SLC24A2: variants seen among roughly 807,000 people sequenced by gnomAD.
SLC24A2 encodes solute carrier family 24 member 2, also known as sodium/potassium/calcium exchanger 2.
SLC24A2 carries 36 observed loss-of-function variants against 62.0 expected under a neutral mutation model. The observed-to-expected ratio is 0.58, with a 90% CI of 0.44 to 0.77. The LOEUF is 0.77. Ranked by LOEUF, SLC24A2 falls within the 30% of genes least tolerant of loss-of-function variation. The pLI, the probability that SLC24A2 is intolerant of heterozygous loss-of-function variation, is 0.00. For missense variants in SLC24A2, 846 were observed against 817.9 expected (o/e 1.03, Z -0.42); for synonymous variants, 358 against 294.0 (o/e 1.22, Z -2.23).
intron 2 of SLC24A2, 142 bp downstream of exon 2, chr9:19,785,795 G>A (rs1823146426): frequency 2.8e-6 from 3 of 1,063,748 alleles, no homozygotes; most frequent in Non-Finnish European, 4.2e-6. Context: ...TGTTAGTCTA[G>A]CTATCACAGA....
At position 19,517,333 on chromosome 9, in the gene SLC24A2, C is replaced by A. The variant is rs561643662; in HGVS notation, c.1737-931G>T. ...GGAGATACCTGCTTGGCTAGCTGAG[C>A]TTTCTGAATGACAAAAGCTAAGGGA... On this transcript the variant is annotated intron_variant, in intron 10 of 10. Coordinates refer to ENST00000341998, the MANE Select transcript of SLC24A2 (RefSeq NM_020344.4). 1.1e-3 allele frequency among the ~76,000 whole-genome samples: 161 copies of A among 152,268 alleles called. 1 individual carries two copies. In the South Asian group the frequency reaches 0.011, roughly 10 times the overall value.
the SLC24A2 span, among the ~76,000 whole-genome samples, chr9:19,994,735 T>G: frequency 1.3e-5 from 2 of 152,166 alleles, no homozygotes; most frequent in Non-Finnish European, 2.9e-5. Flanking sequence ...CTGAAGATAG[T>G]GTGGCTTCAT....
At chr9:19,516,961 ATTGT>A (rs1832960573) in intron 10 of SLC24A2, among the ~76,000 whole-genome samples, 1 of 152,212 alleles carries the variant, frequency 6.6e-6, no homozygotes, top group Non-Finnish European at 1.5e-5. Flanking sequence ...GATGTTGACA[ATTGT>A]TTGATGAAAA....
the SLC24A2 span, among the ~76,000 whole-genome samples, chr9:20,265,997 G>A: frequency 1.3e-5 from 2 of 152,206 alleles, 1 homozygote; most frequent in African/African-American, 4.8e-5. Flanking sequence ...TAAATTTTTG[G>A]TCAGACCAGT....
At chr9:20,008,336 G>C in the SLC24A2 span, among the ~76,000 whole-genome samples, 1 of 152,106 alleles carries the variant, frequency 6.6e-6, no homozygotes, top group Non-Finnish European at 1.5e-5. Context: ...TGTCTACAGA[G>C]GTGTCTTTGG....
At chr9:19,956,755 A>T in the SLC24A2 span, among the ~76,000 whole-genome samples, 1 of 152,212 alleles carries the variant, frequency 6.6e-6, no homozygotes, top group Non-Finnish European at 1.5e-5. Context: ...TGACACATGG[A>T]AATTGTAGGA....
chr9:19,739,244 C>T (rs1821602341), intron 2 of SLC24A2, among the ~76,000 whole-genome samples: 1 of 152,164 alleles, frequency 6.6e-6, no homozygotes, highest in Admixed American at 6.5e-5. Context: ...TGCTTATGAA[C>T]AGAGATTCTA....
the SLC24A2 span, among the ~76,000 whole-genome samples, chr9:19,894,243 C>A: frequency 6.6e-6 from 1 of 152,164 alleles, no homozygotes; most frequent in East Asian, 1.9e-4. Context: ...AGCACCTTGG[C>A]AGCCAAGGAG....
At chr9:20,222,803 G>C in the SLC24A2 span, among the ~76,000 whole-genome samples, 1 of 152,016 alleles carries the variant, frequency 6.6e-6, no homozygotes, top group African/African-American at 2.4e-5. Context: ...CTGCCAACTA[G>C]AATTATAAAT....
At chr9:19,807,732 G>A in the SLC24A2 span, among the ~76,000 whole-genome samples, 2 of 152,182 alleles carry the variant, frequency 1.3e-5, no homozygotes, top group African/African-American at 2.4e-5. Context: ...TGCTTTAAAC[G>A]AAACTATTGC....
the SLC24A2 span, among the ~76,000 whole-genome samples, chr9:20,079,813 G>A: frequency 6.6e-6 from 1 of 152,256 alleles, no homozygotes; most frequent in East Asian, 1.9e-4. Context: ...TTGCCTATCA[G>A]CTTAAGGAGA....
the SLC24A2 span, among the ~76,000 whole-genome samples, chr9:19,805,401 T>TAACA: frequency 6.6e-6 from 1 of 152,194 alleles, no homozygotes; most frequent in Admixed American, 6.5e-5. Context: ...ATTGTTTATC[T>TAACA]AACAATAAAT....
the SLC24A2 span, among the ~76,000 whole-genome samples, chr9:19,998,662 T>C: frequency 6.6e-5 from 10 of 152,224 alleles, no homozygotes; most frequent in African/African-American, 2.4e-4. Context: ...GCTTTCAGCA[T>C]CAATCAGATT....
At chr9:19,895,075 G>T in the SLC24A2 span, among the ~76,000 whole-genome samples, 1 of 152,078 alleles carries the variant, frequency 6.6e-6, no homozygotes, top group Non-Finnish European at 1.5e-5. Flanking sequence ...ACTCTATAAA[G>T]AAGTAAACAT....
chr9:19,943,289 T>G, the SLC24A2 span, among the ~76,000 whole-genome samples: 3 of 152,134 alleles, frequency 2.0e-5, no homozygotes, highest in African/African-American at 7.2e-5. Flanking sequence ...TTCACTGTAT[T>G]AAAAAGAACA....
the SLC24A2 span, among the ~76,000 whole-genome samples, chr9:20,128,750 C>A: frequency 5.3e-5 from 8 of 152,070 alleles, no homozygotes; most frequent in Admixed American, 3.3e-4. Context: ...GACAATCAGA[C>A]ATTTACATGC....
intron 10 of SLC24A2, among the ~76,000 whole-genome samples, chr9:19,519,293 A>G (rs1007917044): frequency 2.6e-5 from 4 of 151,626 alleles, no homozygotes; most frequent in African/African-American, 9.7e-5. Flanking sequence ...CATACAACAA[A>G]GAAGTGTTGT....
the SLC24A2 span, among the ~76,000 whole-genome samples, chr9:19,981,318 C>T: frequency 4.6e-5 from 7 of 152,110 alleles, no homozygotes; most frequent in African/African-American, 9.6e-5. Flanking sequence ...CACTGAAATA[C>T]GAAGCAGAAC....
At chr9:19,699,409 A>C (rs753595672) in intron 2 of SLC24A2, among the ~76,000 whole-genome samples, 7 of 152,164 alleles carry the variant, frequency 4.6e-5, no homozygotes, top group Non-Finnish European at 5.9e-5. Context: ...TTAGATACCA[A>C]AGTTGCAGCA....
Sources: allele counts gnomAD v4.1 joint callset (sites outside exome capture counted in the v4.1 genomes callset), GRCh38; gene constraint gnomAD v4.1.1; transcripts MANE v1.5; gene names NCBI Gene and HGNC (gene_info 2026-07-23, HGNC 2026-07-21).